The following DNAH9 variants were observed in gnomAD, a reference collection of about 807,000 sequenced individuals.
The protein encoded by DNAH9 is dynein axonemal heavy chain 9, also known as DNAH9 variant protein.
DNAH9 carries 345 observed loss-of-function variants against 471.6 expected under a neutral mutation model. The ratio of observed to expected loss-of-function variants is 0.73; its 90% CI spans 0.67 to 0.80. The LOEUF is 0.80. Ranked by LOEUF, DNAH9 falls within the 30% of genes least tolerant of loss-of-function variation. The pLI is 0.00. For synonymous variants in DNAH9, 2,093 were observed against 2,123.6 expected (o/e 0.99, Z 0.40); for missense variants, 5,407 against 5,609.2 (o/e 0.96, Z 1.15).
intron 6 of DNAH9, 143 bp downstream of exon 6, chr17:11,619,924 T>C (rs1255934008): frequency 3.2e-6 from 2 of 616,664 alleles, no homozygotes; most frequent in Admixed American, 2.8e-5. Context: ...AAAGGTTCAA[T>C]TGGCCAGTCA....
In DNAH9 at chr17:11,725,247, G is replaced by A. The variant is rs986288799; in HGVS notation, c.5710-2571G>A. Among the ~76,000 whole-genome samples, 4 of 152,142 alleles carry A rather than the reference G, an allele frequency of 2.6e-5. No individual in the cohort carries two copies. In the South Asian group the frequency reaches 6.2e-4, roughly 24 times the overall value. ...CTGATTTAAGGTACACAAACACAAC[G>A]CCTGGAACTTCCATCACCTCCTCAG... On this transcript the variant is annotated intron_variant, in intron 27 of 68. Coordinates refer to ENST00000262442, the MANE Select transcript of DNAH9 (RefSeq NM_001372.4).
intron 43 of DNAH9, among the ~76,000 whole-genome samples, chr17:11,807,338 A>C (rs899420094): frequency 6.6e-6 from 1 of 152,074 alleles, no homozygotes; most frequent in Admixed American, 6.5e-5. Flanking sequence ...GTGTGTTTTC[A>C]ACTGTTTCGC....
chr17:11,942,549 GGAA>G (rs1285437513), intron 67 of DNAH9, 64 bp downstream of exon 67: 2 of 1,514,138 alleles, frequency 1.3e-6, no homozygotes, highest in African/African-American at 1.4e-5. Flanking sequence ...ACCCCTATGG[GGAA>G]GAAGGAGCAC....
At chr17:11,952,773 T>TC (rs1975435709) in intron 67 of DNAH9, among the ~76,000 whole-genome samples, 1 of 152,146 alleles carries the variant, frequency 6.6e-6, no homozygotes, top group Non-Finnish European at 1.5e-5. Context: ...CTGACCTCTC[T>TC]CCTGGTTCTC....
rs138216535 is a variant in DNAH9, at chr17:11,642,234, A to C, written c.1901+1850A>C. Reference sequence around the variant, plus strand: ...CGTGAAAACTCCCCCTTGTTTTAAAAATGAATTCAAATGTGTATTATGGGC... The same window carrying C: ...CGTGAAAACTCCCCCTTGTTTTAAACATGAATTCAAATGTGTATTATGGGC... On this transcript the variant is annotated intron_variant, in intron 10 of 68. Coordinates refer to ENST00000262442, the MANE Select transcript of DNAH9 (RefSeq NM_001372.4). 1.7e-3 allele frequency among the ~76,000 whole-genome samples: 263 copies of C among 152,294 alleles called. 1 individual carries two copies. Among genetic ancestry groups the C allele is most frequent in the African/African-American group, 6.1e-3 (252 of 41,572 alleles).
intron 45 of DNAH9, among the ~76,000 whole-genome samples, chr17:11,819,029 T>G (rs1970211985): frequency 6.6e-6 from 1 of 152,012 alleles, no homozygotes; most frequent in Non-Finnish European, 1.5e-5. Context: ...ATTCCATCTT[T>G]TCTTTCAATT....
At position 11,640,285 on chromosome 17, in the gene DNAH9, A is replaced by G; in HGVS notation, c.1802A>G (p.His601Arg). 6.2e-7 allele frequency: 1 copy of G among 1,612,920 alleles called. No individual in the cohort carries two copies. The highest frequency in any genetic ancestry group is 8.5e-7 in the Non-Finnish European group (1 of 1,179,020). ...EEAELGFSPV[H>R]KNMPTVAGGL... ...ATGTCTCCAGGGTTCTCCCCGGTGC[A>G]CAAGAACATGCCCACCGTGGCTGGC... is the stretch of plus-strand genomic sequence containing the variant. Residue 601 changes from histidine (H) to arginine (R), a missense_variant, in exon 10 of 69, where the codon CAC becomes CGC. This residue lies in a region of DNAH9 where 4,636 missense variants were observed against 4,900.3 expected (regional missense o/e 0.95). Coordinates refer to ENST00000262442, the MANE Select transcript of DNAH9 (RefSeq NM_001372.4).
chr17:11,825,127 G>T (rs982088876), intron 48 of DNAH9, among the ~76,000 whole-genome samples: 1 of 152,092 alleles, frequency 6.6e-6, no homozygotes, highest in Non-Finnish European at 1.5e-5. Flanking sequence ...TTCCAGTTCA[G>T]GGCATCGTAA....
At chr17:11,671,880 T>C (rs1189760077) in intron 17 of DNAH9, among the ~76,000 whole-genome samples, 1 of 152,162 alleles carries the variant, frequency 6.6e-6, no homozygotes, top group African/African-American at 2.4e-5. Context: ...GGCCTGACTT[T>C]TGTGTCCTTG....
chr17:11,920,410 C>T (rs1195927863), intron 61 of DNAH9, among the ~76,000 whole-genome samples: 1 of 151,060 alleles, frequency 6.6e-6, no homozygotes, highest in Non-Finnish European at 1.5e-5. Context: ...CACCTGAGGT[C>T]GGGAGTTTGA....
chr17:11,809,657 C>G (rs1969816512), intron 44 of DNAH9, among the ~76,000 whole-genome samples: 3 of 152,162 alleles, frequency 2.0e-5, no homozygotes, highest in Admixed American at 2.0e-4. Flanking sequence ...GTACCTCACT[C>G]TCAGTCAAGA....
chr17:11,630,599 C>A (rs1026546960), intron 7 of DNAH9: 4 of 152,006 alleles, frequency 2.6e-5, no homozygotes, highest in African/African-American at 9.7e-5. Flanking sequence ...CTGATGCATG[C>A]GGGGCTTAAA....
At position 11,652,834 on chromosome 17, in the gene DNAH9, CAA is replaced by C; in HGVS notation, c.2428_2429del (p.Asn810CysfsTer17). On this transcript the variant is annotated frameshift_variant, in exon 14 of 69. Transcript: ENST00000262442. LOFTEE classifies it high-confidence loss of function. Reference sequence around the variant, plus strand: ...AACAAAGAATTCAGAAAACTAAAGACAATGTGGAAGAGATCCAAAACATCATG... The same window carrying C: ...AACAAAGAATTCAGAAAACTAAAGACTGTGGAAGAGATCCAAAACATCATG... ...LEQRIQKTKD[N>X]VEEIQNIMKT... The C allele has an allele frequency of 6.2e-7, 1 of 1,613,730 alleles. No homozygotes were observed. The highest frequency in any genetic ancestry group is 8.5e-7 in the Non-Finnish European group (1 of 1,179,710).
chr17:11,605,271 C>G lies in DNAH9; in HGVS notation c.418-2858C>G, dbSNP rs199498071. On this transcript the variant is annotated intron_variant, in intron 1 of 68. Transcript: ENST00000262442. ...ACAATTGCAGCCCCTCCACCCCACA[C>G]TCCTGATTCCCTTCACATGCTTTAT... 4.5e-4 allele frequency among the ~76,000 whole-genome samples: 69 copies of G among 152,304 alleles called. 1 individual carries two copies. In the East Asian group the frequency reaches 0.011, roughly 25 times the overall value.
At chr17:11,760,026 T>C (rs1967598151) in intron 35 of DNAH9, among the ~76,000 whole-genome samples, 1 of 152,094 alleles carries the variant, frequency 6.6e-6, no homozygotes, top group African/African-American at 2.4e-5. Flanking sequence ...TTTGCCATGT[T>C]GACCAGGCTG....
intron 43 of DNAH9, among the ~76,000 whole-genome samples, chr17:11,799,686 A>G (rs927093944): frequency 2.5e-5 from 2 of 80,042 alleles, no homozygotes; most frequent in Admixed American, 1.2e-4. Flanking sequence ...TCCCAGGTTC[A>G]AGCCATTCTG....
chr17:11,640,818 C>T (rs2073257582), intron 10 of DNAH9, among the ~76,000 whole-genome samples: 1 of 152,126 alleles, frequency 6.6e-6, no homozygotes, highest in Admixed American at 6.5e-5. Context: ...ATGCACATTC[C>T]AGGGCCTCAC....
At chr17:11,750,398 A>C (rs891958499) in intron 32 of DNAH9, among the ~76,000 whole-genome samples, 1 of 152,204 alleles carries the variant, frequency 6.6e-6, no homozygotes, top group African/African-American at 2.4e-5. Flanking sequence ...AAATAAGTAC[A>C]TAAAGGAATT....
At chr17:11,954,944 T>C (rs536200976) in intron 67 of DNAH9, among the ~76,000 whole-genome samples, 44 of 152,252 alleles carry the variant, frequency 2.9e-4, no homozygotes, top group Admixed American at 2.2e-3. Flanking sequence ...ATAGACTGTT[T>C]AAAACAAAAA....
Sources: gnomAD v4.1 joint callset for allele counts (sites outside exome capture counted in the v4.1 genomes callset) on GRCh38, gnomAD v4.1.1 for gene constraint, gnomAD v4.1.1 regional missense constraint, MANE v1.5 for transcripts, NCBI Gene and HGNC (gene_info 2026-07-23, HGNC 2026-07-21) for gene names.